The following MOSMO variants were observed in gnomAD, a reference collection of about 807,000 sequenced individuals.
MOSMO encodes the protein modulator of smoothened protein.
Under a neutral mutation model 18.4 loss-of-function variants are expected in MOSMO, and 5 were observed. The observed-to-expected ratio is 0.27, with a 90% CI of 0.14 to 0.57. MOSMO has a LOEUF of 0.57. MOSMO is among the 20% of genes least tolerant of loss of function. MOSMO has a pLI of 0.92. For missense variants in MOSMO, 138 were observed against 211.8 expected (o/e 0.65, Z 2.16); for synonymous variants, 82 against 82.3 (o/e 1.00, Z 0.02).
intron 2 of MOSMO, among the ~76,000 whole-genome samples, chr16:22,076,633 A>C (rs1488398165): frequency 6.6e-6 from 1 of 152,204 alleles, no homozygotes; most frequent in Non-Finnish European, 1.5e-5. Context: ...GTTTGCATAC[A>C]TTTTTAAAAA....
rs553994542 is a variant in MOSMO, at chr16:22,082,087, A to G, written c.*1207A>G. 2.8e-4 allele frequency: 43 copies of G among 152,332 alleles called. No homozygotes were observed. Among genetic ancestry groups the G allele is most frequent in the South Asian group, 2.7e-3 (13 of 4,830 alleles). The allele number at this position is 152,332 out of a possible 1,614,324, so 9.4% of individuals were successfully genotyped here. On this transcript the variant is annotated 3_prime_UTR_variant, in exon 3 of 3. Coordinates refer to ENST00000542527, the MANE Select transcript of MOSMO (RefSeq NM_001164579.2). Reference sequence around the variant, plus strand: ...ATATGTTCAGGCACACTTTACATAAATACAAAGTTCGCTAGTAAATATCTG... The same window carrying G: ...ATATGTTCAGGCACACTTTACATAAGTACAAAGTTCGCTAGTAAATATCTG...
At chr16:22,047,994 A>G (rs553214674) in intron 1 of MOSMO, among the ~76,000 whole-genome samples, 3 of 152,352 alleles carry the variant, frequency 2.0e-5, no homozygotes, top group African/African-American at 7.2e-5. Flanking sequence ...TGTGACTGCC[A>G]GGGAAGAAAG....
At chr16:22,027,563 T>C (rs1020712721) in intron 1 of MOSMO, among the ~76,000 whole-genome samples, 3 of 152,182 alleles carry the variant, frequency 2.0e-5, no homozygotes, top group Non-Finnish European at 4.4e-5. Flanking sequence ...ACTCAAAATA[T>C]AGTGGCAGCT....
intron 1 of MOSMO, among the ~76,000 whole-genome samples, chr16:22,053,119 T>A (rs1900461648): frequency 6.6e-6 from 1 of 151,028 alleles, no homozygotes; most frequent in Non-Finnish European, 1.5e-5. Flanking sequence ...CACGCCCAGC[T>A]AATTTTTTTT....
chr16:22,008,448 A>G lies in MOSMO; in HGVS notation c.106+41A>G, dbSNP rs575652054. 3.2e-3 allele frequency: 3,934 copies of G among 1,237,840 alleles called. 21 individuals are homozygous for G. In the Middle Eastern group the frequency reaches 0.041, roughly 13 times the overall value. 76.7% of individuals were successfully genotyped at this position (1,237,840 alleles called of 1,614,324 possible). On this transcript the variant is annotated intron_variant, in intron 1 of 2. Transcript: ENST00000542527. ...GCCGGGCCGGGCGGGGGATTGGCTG[A>G]GGGCGACGCGAGAGAGGGGAGACCC...
chr16:22,040,743 C>T (rs1021397810), intron 1 of MOSMO, among the ~76,000 whole-genome samples: 2 of 152,160 alleles, frequency 1.3e-5, no homozygotes, highest in African/African-American at 2.4e-5. Flanking sequence ...AATAAAGGGC[C>T]TTGGGATTTA....
At position 22,080,881 on chromosome 16, in the gene MOSMO, T is replaced by G. The variant is rs946527493; in HGVS notation, c.*1T>G. 7.4e-7 allele frequency: 1 copy of G among 1,346,800 alleles called. No homozygotes were observed. The highest frequency in any genetic ancestry group is 1.5e-5 in the African/African-American group (1 of 65,704). 83.4% of individuals were successfully genotyped at this position (1,346,800 alleles called of 1,614,324 possible). A position where few individuals can be genotyped will look rare whatever the true frequency, so the allele number is the denominator to read the frequency against. ...TGGCAAAGTTTGTTTACCAGGCTGA[T>G]GAATGTCTAAATTGCTTGACTCTTA... On this transcript the variant is annotated 3_prime_UTR_variant, in exon 3 of 3. Coordinates refer to ENST00000542527, the MANE Select transcript of MOSMO (RefSeq NM_001164579.2).
At chr16:22,040,545 G>A (rs899085493) in intron 1 of MOSMO, among the ~76,000 whole-genome samples, 1 of 152,172 alleles carries the variant, frequency 6.6e-6, no homozygotes, top group Non-Finnish European at 1.5e-5. Flanking sequence ...GAAGGTATCT[G>A]CCTTCAATAA....
chr16:22,038,643 G>T (rs1478128897), intron 1 of MOSMO, among the ~76,000 whole-genome samples: 1 of 152,160 alleles, frequency 6.6e-6, no homozygotes, highest in Non-Finnish European at 1.5e-5. Context: ...AGTGAAATGG[G>T]AGTGATAATA....
rs745862286 is a variant in MOSMO, at chr16:22,083,893, T to C, written c.*3013T>C. ...GGTAATCCATGTTCTATGTTGTTAATGTGTGTATGTAATTTTTCTGACTCT... is the reference window on the plus strand; with the variant it reads ...GGTAATCCATGTTCTATGTTGTTAACGTGTGTATGTAATTTTTCTGACTCT... On this transcript the variant is annotated 3_prime_UTR_variant, in exon 3 of 3. Transcript: ENST00000542527. 3.1e-6 allele frequency: 1 copy of C among 321,396 alleles called. No homozygotes were observed. The highest frequency in any genetic ancestry group is 6.0e-6 in the Non-Finnish European group (1 of 167,614). The allele number at this position is 321,396 out of a possible 1,614,324, so 19.9% of individuals were successfully genotyped here.
At chr16:22,026,773 A>C (rs1243337483) in intron 1 of MOSMO, among the ~76,000 whole-genome samples, 1 of 152,232 alleles carries the variant, frequency 6.6e-6, no homozygotes, top group Non-Finnish European at 1.5e-5. Flanking sequence ...ATGTCCTTTG[A>C]AAAGGAGATG....
At chr16:22,074,212 T>C (rs1900917390) in intron 1 of MOSMO, among the ~76,000 whole-genome samples, 1 of 152,168 alleles carries the variant, frequency 6.6e-6, no homozygotes, top group African/African-American at 2.4e-5. Flanking sequence ...ACAGAAGACA[T>C]TTGTTCGTGG....
At chr16:22,018,304 CA>C (rs1444621213) in intron 1 of MOSMO, among the ~76,000 whole-genome samples, 3 of 152,062 alleles carry the variant, frequency 2.0e-5, no homozygotes, top group African/African-American at 4.8e-5. Flanking sequence ...AATATATTCA[CA>C]GTAAGTTGTT....
At chr16:22,036,707 C>T (rs1285112309) in intron 1 of MOSMO, among the ~76,000 whole-genome samples, 1 of 152,140 alleles carries the variant, frequency 6.6e-6, no homozygotes, top group African/African-American at 2.4e-5. Flanking sequence ...CCCACTTGGC[C>T]TCCCAAAGCA....
intron 1 of MOSMO, among the ~76,000 whole-genome samples, chr16:22,066,520 C>T (rs1598021625): frequency 6.6e-6 from 1 of 152,236 alleles, no homozygotes; most frequent in East Asian, 1.9e-4. Context: ...TCAATGCAAG[C>T]AGGAAGTGAG....
intron 1 of MOSMO, among the ~76,000 whole-genome samples, chr16:22,033,151 C>A (rs1169818986): frequency 1.3e-5 from 2 of 152,060 alleles, no homozygotes; most frequent in Non-Finnish European, 2.9e-5. Context: ...TTAAAAAATT[C>A]TATGGCTATT....
chr16:22,041,158 A>G (rs191561638), intron 1 of MOSMO, among the ~76,000 whole-genome samples: 1 of 152,198 alleles, frequency 6.6e-6, no homozygotes, highest in Non-Finnish European at 1.5e-5. Flanking sequence ...AGTGAAAGTC[A>G]TATTACAAAA....
downstream of MOSMO, among the ~76,000 whole-genome samples, chr16:22,090,997 G>T (rs910344901): frequency 6.6e-6 from 1 of 152,038 alleles, no homozygotes; most frequent in Non-Finnish European, 1.5e-5. Context: ...AAAGAAAGGT[G>T]TGAGGGTGGT....
intron 1 of MOSMO, among the ~76,000 whole-genome samples, chr16:22,011,009 TTTGGAGGCAAAA>T (rs1309016937): frequency 2.0e-5 from 3 of 151,770 alleles, no homozygotes; most frequent in African/African-American, 7.3e-5. Context: ...CTCTTTAAAA[TTTGGAGGCAAAA>T]TTGGCTGTGA....
Sources: allele counts gnomAD v4.1 joint callset (sites outside exome capture counted in the v4.1 genomes callset), GRCh38; gene constraint gnomAD v4.1.1; transcripts MANE v1.5; gene names NCBI Gene and HGNC (gene_info 2026-07-23, HGNC 2026-07-21).